The following MCTP1 variants were observed in gnomAD, a reference collection of about 807,000 sequenced individuals.
MCTP1 encodes the protein multiple C2 and transmembrane domain-containing protein 1.
A neutral mutation model predicts 120.6 loss-of-function variants in MCTP1; 69 were observed. That is an observed-to-expected ratio of 0.57 (90% confidence interval 0.47 to 0.70). The LOEUF is 0.70. Ranked by LOEUF, MCTP1 falls within the 30% of genes least tolerant of loss-of-function variation. MCTP1 has a pLI of 0.00. For synonymous variants in MCTP1, 529 were observed against 493.1 expected (o/e 1.07, Z -0.96); for missense variants, 1,203 against 1,248.8 (o/e 0.96, Z 0.55).
rs934612585 is a variant in MCTP1 at position 94,704,814 on chromosome 5, G to A, written c.*2682C>T. On this transcript the variant is annotated 3_prime_UTR_variant, in exon 23 of 23. Coordinates refer to ENST00000515393, the MANE Select transcript of MCTP1 (RefSeq NM_024717.7). ...ATTGATTGATTGATAGGTTCTGTAGGAATTCCAGTTTTTGAACATTCTATA... is the reference window on the plus strand; with the variant it reads ...ATTGATTGATTGATAGGTTCTGTAGAAATTCCAGTTTTTGAACATTCTATA... 2.7e-5 allele frequency: 4 copies of A among 149,726 alleles called. No homozygotes were observed. The highest frequency in any genetic ancestry group is 4.5e-5 in the Non-Finnish European group (3 of 67,140). 9.3% of individuals were successfully genotyped at this position (149,726 alleles called of 1,614,324 possible).
At chr5:95,257,701 C>T (rs964143209) in intron 1 of MCTP1, among the ~76,000 whole-genome samples, 1 of 151,894 alleles carries the variant, frequency 6.6e-6, no homozygotes, top group Middle Eastern at 3.2e-3. Context: ...TCCTTGAAAA[C>T]ATGGCTATTT....
intron 1 of MCTP1, among the ~76,000 whole-genome samples, chr5:95,181,398 A>G (rs1748579605): frequency 6.6e-6 from 1 of 152,192 alleles, no homozygotes. Flanking sequence ...TTCCTTCCAC[A>G]TAATATTCCC....
chr5:94,801,352 T>C (rs79023876), intron 17 of MCTP1, among the ~76,000 whole-genome samples: 1,532 of 152,326 alleles, frequency 0.01, 28 homozygotes, highest in African/African-American at 0.032. Flanking sequence ...AAAAGTTCTA[T>C]AGATCTACTA....
intron 1 of MCTP1, among the ~76,000 whole-genome samples, chr5:95,241,574 A>T (rs10059776): frequency 0.14 from 20,715 of 152,184 alleles, 1,726 homozygotes; most frequent in Middle Eastern, 0.19. Context: ...CAAAGACCAC[A>T]TTATTCTTAC....
intron 19 of MCTP1, among the ~76,000 whole-genome samples, chr5:94,721,464 C>CCA (rs1760882439): frequency 6.6e-6 from 1 of 152,150 alleles, no homozygotes; most frequent in Admixed American, 6.5e-5. Flanking sequence ...CAGTCCACCG[C>CCA]CACTCCCTTA....
At chr5:94,854,411 A>T (rs1794342724) in intron 17 of MCTP1, among the ~76,000 whole-genome samples, 1 of 151,872 alleles carries the variant, frequency 6.6e-6, no homozygotes, top group Admixed American at 6.6e-5. Context: ...TAACTATTCA[A>T]TTATGGCAAC....
chr5:95,204,622 A>C lies in MCTP1; in HGVS notation c.720+79234T>G, dbSNP rs148332028. ...AAATGACATGGTCTTGAATATAGAA[A>C]ACCCTAAGGAATCCACTACAAAACT... On this transcript the variant is annotated intron_variant, in intron 1 of 22. Coordinates refer to ENST00000515393, the MANE Select transcript of MCTP1 (RefSeq NM_024717.7). Among the ~76,000 whole-genome samples the C allele has an allele frequency of 1.3e-3, 202 of 152,302 alleles. 5 individuals carry two copies. The East Asian group carries it at 0.034, about 25-fold the overall frequency.
chr5:95,265,064 C>A (rs1582694468), intron 1 of MCTP1, among the ~76,000 whole-genome samples: 1 of 152,274 alleles, frequency 6.6e-6, no homozygotes, highest in East Asian at 1.9e-4. Context: ...TGCCTGGGCT[C>A]TACTCCATCC....
intron 1 of MCTP1, among the ~76,000 whole-genome samples, chr5:95,024,585 A>G (rs1160335071): frequency 1.3e-5 from 2 of 151,844 alleles, no homozygotes; most frequent in East Asian, 1.9e-4. Context: ...CCCCTATTCA[A>G]CGTAGTACTA....
chr5:94,827,339 C>CTGTT (rs1419779829), intron 17 of MCTP1, among the ~76,000 whole-genome samples: 1 of 152,204 alleles, frequency 6.6e-6, no homozygotes, highest in Non-Finnish European at 1.5e-5. Flanking sequence ...GAGAGGTCCA[C>CTGTT]TGTTAGTCTG....
At chr5:95,033,914 T>C (rs1409489259) in intron 1 of MCTP1, among the ~76,000 whole-genome samples, 7 of 152,106 alleles carry the variant, frequency 4.6e-5, no homozygotes, top group African/African-American at 1.7e-4. Flanking sequence ...GTAGCATTTC[T>C]ATACACCAAT....
At chr5:94,944,648 C>G (rs1371167427) in intron 3 of MCTP1, among the ~76,000 whole-genome samples, 2 of 151,448 alleles carry the variant, frequency 1.3e-5, no homozygotes, top group Non-Finnish European at 1.5e-5. Context: ...AACCTCTTTT[C>G]ACTCTCCTAG....
At chr5:94,910,179 T>C (rs979060241) in intron 9 of MCTP1, among the ~76,000 whole-genome samples, 59 of 96,406 alleles carry the variant, frequency 6.1e-4, no homozygotes, top group Non-Finnish European at 4.8e-4. Flanking sequence ...TATACATATA[T>C]GTATGTGTGC....
chr5:94,856,682 T>C lies in MCTP1; in HGVS notation c.2436+11651A>G, dbSNP rs146376919. On this transcript the variant is annotated intron_variant, in intron 17 of 22. Coordinates refer to ENST00000515393, the MANE Select transcript of MCTP1 (RefSeq NM_024717.7). ...ACTCAGGTACTTTATACAGGAAAGATGGATAAATTATCCTTTCTCTTATTT... is the reference window on the plus strand; with the variant it reads ...ACTCAGGTACTTTATACAGGAAAGACGGATAAATTATCCTTTCTCTTATTT... 4.7e-3 allele frequency among the ~76,000 whole-genome samples: 710 copies of C among 151,808 alleles called. 9 individuals carry two copies. Among genetic ancestry groups the C allele is most frequent in the African/African-American group, 0.016 (673 of 41,482 alleles).
At chr5:95,005,761 T>C (rs1370931882) in intron 2 of MCTP1, among the ~76,000 whole-genome samples, 1 of 22,870 alleles carries the variant, frequency 4.4e-5, no homozygotes, top group Non-Finnish European at 3.0e-4. Flanking sequence ...GAACCTCTTT[T>C]CTTTCTTTAT....
intron 2 of MCTP1, among the ~76,000 whole-genome samples, chr5:94,988,278 T>C (rs1237658346): frequency 6.7e-6 from 1 of 150,254 alleles, no homozygotes; most frequent in African/African-American, 2.4e-5. Context: ...GAGATGTCTT[T>C]AAAGAATACC....
At chr5:94,952,171 C>CAAAAAAA (rs57358026) in intron 3 of MCTP1, among the ~76,000 whole-genome samples, 1,313 of 87,712 alleles carry the variant, frequency 0.015, 146 homozygotes, top group African/African-American at 0.057. Context: ...GACTTTGTCG[C>CAAAAAAA]AAAAAAAAAA....
intron 19 of MCTP1, among the ~76,000 whole-genome samples, chr5:94,742,744 A>T (rs1028613696): frequency 3.3e-5 from 5 of 152,196 alleles, no homozygotes; most frequent in African/African-American, 1.2e-4. Context: ...AAACTATCAA[A>T]ACCACTGATT....
At chr5:94,769,501 G>GA (rs1006243985) in intron 19 of MCTP1, among the ~76,000 whole-genome samples, 8 of 151,804 alleles carry the variant, frequency 5.3e-5, no homozygotes, top group African/African-American at 1.9e-4. Flanking sequence ...ATAAAAAATT[G>GA]AAAAAACCAG....
Sources: gnomAD v4.1 joint callset for allele counts (sites outside exome capture counted in the v4.1 genomes callset) on GRCh38, gnomAD v4.1.1 for gene constraint, MANE v1.5 for transcripts, NCBI Gene and HGNC (gene_info 2026-07-23, HGNC 2026-07-21) for gene names.